The following NLGN1 variants were observed in gnomAD, a reference collection of about 807,000 sequenced individuals.
NLGN1 encodes the protein neuroligin-1.
NLGN1 carries 12 observed loss-of-function variants against 65.5 expected under a neutral mutation model. That is an observed-to-expected ratio of 0.18 (90% CI 0.12 to 0.30). The LOEUF (loss-of-function observed/expected upper bound fraction) is 0.30, where lower values mean the gene tolerates loss of function less well. Among genes scored for constraint, NLGN1 ranks in the 10% least tolerant of loss-of-function variants. The pLI, the probability that NLGN1 is intolerant of heterozygous loss-of-function variation, is 1.00. For missense variants in NLGN1, 750 were observed against 1,007.1 expected (o/e 0.74, Z 3.46); for synonymous variants, 350 against 359.5 (o/e 0.97, Z 0.30).
intron 3 of NLGN1, among the ~76,000 whole-genome samples, chr3:173,623,354 G>GAA (rs5854524): frequency 1.4e-5 from 2 of 146,734 alleles, no homozygotes; most frequent in African/African-American, 2.5e-5. Context: ...TTATTTTTGT[G>GAA]AAAAAAAAAA....
At chr3:174,036,995 T>C (rs1315684786) in intron 4 of NLGN1, among the ~76,000 whole-genome samples, 5 of 152,176 alleles carry the variant, frequency 3.3e-5, no homozygotes, top group African/African-American at 4.8e-5. Context: ...CTTCATCCAG[T>C]CTACCGCTTA....
intron 4 of NLGN1, 122 bp downstream of exon 4, chr3:173,807,954 C>G (rs1287852918): frequency 2.2e-6 from 2 of 925,116 alleles, no homozygotes; most frequent in Non-Finnish European, 3.3e-6. Context: ...TTGACATTCT[C>G]GAGCCCAAAT....
intron 3 of NLGN1, among the ~76,000 whole-genome samples, chr3:173,612,871 C>T (rs1304985225): frequency 6.6e-6 from 1 of 152,090 alleles, no homozygotes; most frequent in Non-Finnish European, 1.5e-5. Context: ...CTGGGCCTCT[C>T]TTTGTGTCTT....
intron 4 of NLGN1, among the ~76,000 whole-genome samples, chr3:174,130,150 GGAGCACCT>G (rs1278196866): frequency 6.6e-6 from 1 of 152,180 alleles, no homozygotes; most frequent in Admixed American, 6.5e-5. Context: ...CAAGGCAGGT[GGAGCACCT>G]GAGGTCAGGA....
chr3:174,001,872 T>G (rs1039148503), intron 4 of NLGN1, among the ~76,000 whole-genome samples: 10 of 151,986 alleles, frequency 6.6e-5, no homozygotes, highest in African/African-American at 1.5e-4. Context: ...AAAAACATCT[T>G]ATAATGTACA....
intron 2 of NLGN1, among the ~76,000 whole-genome samples, chr3:173,558,496 AT>A (rs1298601825): frequency 6.6e-6 from 1 of 152,116 alleles, no homozygotes; most frequent in African/African-American, 2.4e-5. Context: ...AAACTCTTTC[AT>A]TTTTTAGCAA....
At chr3:173,421,964 A>G (rs76120822) in intron 1 of NLGN1, among the ~76,000 whole-genome samples, 6,244 of 152,222 alleles carry the variant, frequency 0.041, 418 homozygotes, top group African/African-American at 0.14. Context: ...TAGGATACCC[A>G]TAATATTTTG....
chr3:173,501,047 C>T (rs1450349709), intron 2 of NLGN1, among the ~76,000 whole-genome samples: 1 of 152,090 alleles, frequency 6.6e-6, no homozygotes, highest in East Asian at 1.9e-4. Flanking sequence ...TGACATCCTC[C>T]AGGTTTTTAA....
At chr3:173,864,383 C>T (rs996669717) in intron 4 of NLGN1, among the ~76,000 whole-genome samples, 1 of 152,112 alleles carries the variant, frequency 6.6e-6, no homozygotes, top group Non-Finnish European at 1.5e-5. Context: ...CTATTTACAT[C>T]ATGGATGACA....
At chr3:174,019,576 C>T (rs1727316522) in intron 4 of NLGN1, among the ~76,000 whole-genome samples, 1 of 152,018 alleles carries the variant, frequency 6.6e-6, no homozygotes, top group Non-Finnish European at 1.5e-5. Flanking sequence ...TATTTTGTTG[C>T]AAGTAAATAC....
intron 2 of NLGN1, among the ~76,000 whole-genome samples, chr3:173,566,917 T>C (rs1393209549): frequency 6.6e-6 from 1 of 152,104 alleles, no homozygotes; most frequent in African/African-American, 2.4e-5. Flanking sequence ...GAAAGGGAGA[T>C]TTATCCTCTA....
chr3:173,446,840 T>C (rs530691969), intron 2 of NLGN1, among the ~76,000 whole-genome samples: 102 of 152,344 alleles, frequency 6.7e-4, no homozygotes, highest in African/African-American at 2.4e-3. Context: ...TTTCATGTGT[T>C]TTTTGGCTGC....
chr3:173,564,010 G>A (rs1743214827), intron 2 of NLGN1, among the ~76,000 whole-genome samples: 1 of 152,168 alleles, frequency 6.6e-6, no homozygotes, highest in African/African-American at 2.4e-5. Flanking sequence ...AGGCAAACAA[G>A]GCCTGACCTG....
At chr3:173,588,625 T>C (rs2149388991) in intron 2 of NLGN1, among the ~76,000 whole-genome samples, 1 of 152,338 alleles carries the variant, frequency 6.6e-6, no homozygotes, top group Non-Finnish European at 1.5e-5. Context: ...ACAGTCAGTA[T>C]AATCTCTTCT....
At chr3:173,691,555 A>C (rs889701475) in intron 3 of NLGN1, among the ~76,000 whole-genome samples, 7 of 152,114 alleles carry the variant, frequency 4.6e-5, no homozygotes, top group African/African-American at 1.7e-4. Context: ...ATGTGTGTTT[A>C]ATACGTGTCT....
rs539812786 is a variant in NLGN1 at position 173,545,576 on chromosome 3, A to C, written c.-320-58703A>C. Among the ~76,000 whole-genome samples, 3 of 152,334 alleles carry C rather than the reference A, an allele frequency of 2.0e-5. No homozygotes were observed. The South Asian group carries it at 6.2e-4, about 32-fold the overall frequency. ...AAAATCTGAGGGTAATGGCCCCACC[A>C]TCCATCCCATTACTGGCTATATACC... On this transcript the variant is annotated intron_variant, in intron 2 of 6. Transcript: ENST00000457714.
chr3:173,829,617 T>C (rs1421058841), intron 4 of NLGN1, among the ~76,000 whole-genome samples: 2 of 151,964 alleles, frequency 1.3e-5, no homozygotes, highest in Admixed American at 6.6e-5. Context: ...ACTGCTCTTA[T>C]CAAATTTCAA....
intron 3 of NLGN1, among the ~76,000 whole-genome samples, chr3:173,629,814 A>T (rs188447544): frequency 2.0e-3 from 307 of 152,278 alleles, no homozygotes; most frequent in African/African-American, 7.2e-3. Flanking sequence ...CTGTGTTAAA[A>T]CATTGAAAAA....
intron 2 of NLGN1, among the ~76,000 whole-genome samples, chr3:173,567,322 T>C (rs1269025959): frequency 6.6e-6 from 1 of 152,082 alleles, no homozygotes; most frequent in Non-Finnish European, 1.5e-5. Context: ...ATACATTTAA[T>C]TGGAAATAGT....
Sources: allele counts gnomAD v4.1 joint callset (sites outside exome capture counted in the v4.1 genomes callset), GRCh38; gene constraint gnomAD v4.1.1; transcripts MANE v1.5; gene names NCBI Gene and HGNC (gene_info 2026-07-23, HGNC 2026-07-21).